The following F2 variants were observed in gnomAD, a reference collection of about 807,000 sequenced individuals.
F2 encodes the protein prothrombin.
In F2, 34 loss-of-function variants were observed where a neutral mutation model predicts 81.9. The observed-to-expected ratio is 0.42, with a 90% CI of 0.32 to 0.55. The LOEUF is 0.55. Ranked by LOEUF, F2 falls within the 20% of genes least tolerant of loss-of-function variation. The pLI is 0.18. For synonymous variants in F2, 296 were observed against 326.4 expected (o/e 0.91, Z 1.01); for missense variants, 630 against 833.4 (o/e 0.76, Z 3.00).
intron 11 of F2, 94 bp from the exon 12 acceptor site, chr11:46,729,286 G>A (rs2064895604): frequency 7.2e-6 from 10 of 1,388,428 alleles, no homozygotes; most frequent in Non-Finnish European, 8.0e-6. Context: ...AGCCAGCTCT[G>A]GCGTTTTAGA....
At position 46,736,486 on chromosome 11, in the gene F2, C is replaced by T. The variant is rs3136495; in HGVS notation, c.1655-2562C>T. Among the ~76,000 whole-genome samples the T allele has an allele frequency of 2.1e-3, 324 of 152,086 alleles. 2 individuals are homozygous for T. Among genetic ancestry groups the T allele is most frequent in the African/African-American group, 7.1e-3 (296 of 41,496 alleles). On this transcript the variant is annotated intron_variant, in intron 12 of 13. Coordinates refer to ENST00000311907, the MANE Select transcript of F2 (RefSeq NM_000506.5). ...GCTAATTTGATTTGATTTGTAGAGA[C>T]GGGGTCTTGCTATGTTACCTAGGCT...
chr11:46,731,004 G>C (rs2064908111), intron 12 of F2, among the ~76,000 whole-genome samples: 3 of 151,798 alleles, frequency 2.0e-5, no homozygotes, highest in African/African-American at 7.3e-5. Flanking sequence ...GCAACCTCCT[G>C]CTCCCAGGTT....
intron 12 of F2, 149 bp downstream of exon 12, chr11:46,729,710 T>C: frequency 2.4e-6 from 2 of 847,498 alleles, no homozygotes; most frequent in South Asian, 3.5e-5. Flanking sequence ...GGTAAAAGTC[T>C]CTATCCCATA....
chr11:46,726,143 G>A lies in F2; in HGVS notation c.844G>A (p.Asp282Asn), dbSNP rs781480033. The A allele has an allele frequency of 3.3e-5, 53 of 1,613,920 alleles. No individual in the cohort carries two copies. The highest frequency in any genetic ancestry group is 5.5e-5 in the South Asian group (5 of 91,078). Residue 282 changes from aspartate to asparagine, a missense_variant, in exon 7 of 14, where the codon GAC becomes AAC. Transcript: ENST00000311907. This position sits in a 1 kb window ranked among gnomAD's most constrained non-coding sequence, Gnocchi z 5.9. ...VWCYVAGKPG[D>N]FGYCDLNYCE... ...GTGCTATGTGGCCGGGAAGCCTGGC[G>A]ACTTTGGGTACTGCGACCTCAACTA...
chr11:46,738,362 A>G (rs1303977437), intron 12 of F2, among the ~76,000 whole-genome samples: 2 of 152,014 alleles, frequency 1.3e-5, no homozygotes, highest in Non-Finnish European at 2.9e-5. Flanking sequence ...TTTGTAGAGG[A>G]TACGTGGGGA....
At chr11:46,724,952 A>G (rs933375616) in intron 6 of F2, among the ~76,000 whole-genome samples, 2 of 149,656 alleles carry the variant, frequency 1.3e-5, no homozygotes, top group Non-Finnish European at 1.5e-5. Flanking sequence ...TTTTTATGTT[A>G]GTAGAGACGG....
chr11:46,719,682 A>AC lies in F2; in HGVS notation c.80-13dup, dbSNP rs745681370. ...CTGTTCCTGAGGCCGCTGTCCCATG[A>AC]CCCCCCCACCGCCTTACAGTGTTCC... On this transcript the variant is annotated intron_variant, in intron 1 of 13. Coordinates refer to ENST00000311907, the MANE Select transcript of F2 (RefSeq NM_000506.5). The surrounding 1 kb of genome is among the most constrained non-coding windows in gnomAD (Gnocchi z 4.7). 54 of 1,575,868 alleles carry AC rather than the reference A, an allele frequency of 3.4e-5. No homozygotes were observed. Among genetic ancestry groups the AC allele is most frequent in the East Asian group, 2.8e-4 (12 of 43,064 alleles).
intron 13 of F2, 68 bp from the exon 14 acceptor site, chr11:46,739,197 G>A: frequency 1.2e-6 from 2 of 1,613,618 alleles, no homozygotes; most frequent in Non-Finnish European, 1.7e-6. Flanking sequence ...AGAAACAGTT[G>A]CCTGGCAGGG....
At chr11:46,735,598 G>T (rs1759458449) in intron 12 of F2, among the ~76,000 whole-genome samples, 1 of 151,274 alleles carries the variant, frequency 6.6e-6, no homozygotes, top group South Asian at 2.1e-4. Context: ...ACTCCAGCCT[G>T]GGCAACAGAG....
rs2064878500 is a variant in F2 at position 46,726,968 on chromosome 11, C to G, written c.1130+131C>G. ...AGCTGAGCATCCAGGATCCCACCAA[C>G]TCCACACAGCAGCCACATGAGATGG... On this transcript the variant is annotated intron_variant, in intron 9 of 13. Coordinates refer to ENST00000311907, the MANE Select transcript of F2 (RefSeq NM_000506.5). The surrounding 1 kb of genome is among the most constrained non-coding windows in gnomAD (Gnocchi z 5.9). The G allele has an allele frequency of 1.6e-5, 22 of 1,377,430 alleles. No homozygotes were observed. The highest frequency in any genetic ancestry group is 2.2e-5 in the Non-Finnish European group (22 of 992,756). The allele number at this position is 1,377,430 out of a possible 1,614,324, so 85.3% of individuals were successfully genotyped here.
Position 46,721,720 on chromosome 11 carries a change from G to C in F2, c.316+880G>C, listed in dbSNP as rs183293976. On this transcript the variant is annotated intron_variant, in intron 4 of 13. Coordinates refer to ENST00000311907, the MANE Select transcript of F2 (RefSeq NM_000506.5). ...ACTCTTTGTTTATTTATAAGAGACA[G>C]GGTCTCCCTTTTTTGCCCAGGCTGA... 6.0e-3 allele frequency among the ~76,000 whole-genome samples: 921 copies of C among 152,304 alleles called. 8 individuals carry two copies. The highest frequency in any genetic ancestry group is 0.012 in the Admixed American group (189 of 15,286).
intron 13 of F2, 44 bp downstream of exon 13, chr11:46,739,162 G>C: frequency 6.2e-7 from 1 of 1,613,916 alleles, no homozygotes; most frequent in Non-Finnish European, 8.5e-7. Context: ...ACATCTTCTG[G>C]GGGTGGGGAG....
In F2 at chr11:46,723,567, A is replaced by G; in HGVS notation, c.559+49A>G. The G allele has an allele frequency of 6.4e-7, 1 of 1,569,942 alleles. No individual in the cohort carries two copies. Among genetic ancestry groups the G allele is most frequent in the African/African-American group, 1.3e-5 (1 of 74,156 alleles). The stretch of plus-strand genomic sequence containing the variant: ...CCCATGGCCAAGGCCCGGGGGCTTC[A>G]TGGGGCCTGGCAGCCTGGGATGGGA... On this transcript the variant is annotated intron_variant, in intron 6 of 13. Coordinates refer to ENST00000311907, the MANE Select transcript of F2 (RefSeq NM_000506.5). This position sits in a 1 kb window ranked among gnomAD's most constrained non-coding sequence, Gnocchi z 5.6.
At chr11:46,731,686 C>T (rs947184443) in intron 12 of F2, among the ~76,000 whole-genome samples, 3 of 151,880 alleles carry the variant, frequency 2.0e-5, no homozygotes, top group African/African-American at 7.3e-5. Flanking sequence ...TGTACACTGG[C>T]CCTGAATCCG....
At chr11:46,720,319 G>T (rs564010842) in intron 2 of F2, 3 of 635,468 alleles carry the variant, frequency 4.7e-6, no homozygotes, top group East Asian at 2.8e-5. Context: ...TTTCAGTCTC[G>T]GTGTGTGTGT....
intron 12 of F2, 113 bp downstream of exon 12, chr11:46,729,674 C>T (rs2134537445): frequency 8.2e-7 from 1 of 1,213,096 alleles, no homozygotes; most frequent in Non-Finnish European, 1.2e-6. Flanking sequence ...CTCTTGGTGG[C>T]TCAGTTTCTT....
At chr11:46,731,518 C>T (rs1051013695) in intron 12 of F2, among the ~76,000 whole-genome samples, 1 of 147,952 alleles carries the variant, frequency 6.8e-6, no homozygotes, top group Admixed American at 6.9e-5. Flanking sequence ...ATATTATTGT[C>T]TAATCTATAG....
chr11:46,734,834 C>A (rs2064934788), intron 12 of F2, among the ~76,000 whole-genome samples: 3 of 152,010 alleles, frequency 2.0e-5, no homozygotes, highest in Admixed American at 2.0e-4. Context: ...CAAAAAACAA[C>A]AACAGAAAAG....
At chr11:46,736,330 G>A (rs151210601) in intron 12 of F2, among the ~76,000 whole-genome samples, 2 of 152,282 alleles carry the variant, frequency 1.3e-5, no homozygotes, top group East Asian at 1.9e-4. Context: ...TGCTGCCCAG[G>A]CTGATTTCAA....
Sources: allele counts gnomAD v4.1 joint callset (sites outside exome capture counted in the v4.1 genomes callset), GRCh38; gene constraint gnomAD v4.1.1; non-coding constraint Gnocchi (gnomAD v3.1); transcripts MANE v1.5; gene names NCBI Gene and HGNC (gene_info 2026-07-23, HGNC 2026-07-21).